The following CLOCK variants were observed in gnomAD, a reference collection of about 807,000 sequenced individuals.
CLOCK encodes clock circadian regulator, also known as circadian locomoter output cycles protein kaput.
CLOCK carries 43 observed loss-of-function variants against 118.4 expected under a neutral mutation model. The observed-to-expected ratio is 0.36, with a 90% CI of 0.28 to 0.47. The LOEUF is 0.47. Ranked by LOEUF, CLOCK falls within the 20% of genes least tolerant of loss-of-function variation. The pLI, the probability that CLOCK is intolerant of heterozygous loss-of-function variation, is 1.00. For missense variants in CLOCK, 846 were observed against 999.9 expected (o/e 0.85, Z 2.08); for synonymous variants, 326 against 339.2 (o/e 0.96, Z 0.43).
intron 1 of CLOCK, among the ~76,000 whole-genome samples, chr4:55,522,912 GA>G: frequency 6.6e-6 from 1 of 152,178 alleles, no homozygotes; most frequent in Non-Finnish European, 1.5e-5. Context: ...AAGCAAATCT[GA>G]AGGGGCTCCT....
intron 20 of CLOCK, 118 bp from the exon 21 acceptor site, chr4:55,442,752 A>G: frequency 1.1e-6 from 1 of 894,054 alleles, no homozygotes; most frequent in Non-Finnish European, 1.8e-6. Context: ...GTGGCAGGAT[A>G]TATTACTCTG....
At position 55,481,881 on chromosome 4, in the gene CLOCK, T is replaced by C. The variant is rs960389287; in HGVS notation, c.47+858A>G. Among the ~76,000 whole-genome samples the C allele has an allele frequency of 2.2e-4, 34 of 152,336 alleles. 1 individual carries two copies. Among genetic ancestry groups the C allele is most frequent in the African/African-American group, 6.0e-4 (25 of 41,580 alleles). ...TCATTTGTAAAATCTTGCAGAATTATTGAGGTTAAATAACATGTAAAAAAG... is the reference window on the plus strand; with the variant it reads ...TCATTTGTAAAATCTTGCAGAATTACTGAGGTTAAATAACATGTAAAAAAG... On this transcript the variant is annotated intron_variant, in intron 4 of 22. Coordinates refer to ENST00000513440, the MANE Select transcript of CLOCK (RefSeq NM_004898.4).
chr4:55,480,031 TA>T (rs1415818616), intron 4 of CLOCK, among the ~76,000 whole-genome samples: 1 of 152,246 alleles, frequency 6.6e-6, no homozygotes, highest in Admixed American at 6.5e-5. Context: ...TTTGCCATTA[TA>T]TAAAATTATT....
At chr4:55,534,956 T>C (rs1730792088) in intron 1 of CLOCK, among the ~76,000 whole-genome samples, 1 of 148,608 alleles carries the variant, frequency 6.7e-6, no homozygotes, top group African/African-American at 2.5e-5. Flanking sequence ...TTTGAGACAG[T>C]CTTGCTCTGT....
chr4:55,543,692 C>T (rs984768926), intron 1 of CLOCK, among the ~76,000 whole-genome samples: 8 of 151,864 alleles, frequency 5.3e-5, no homozygotes, highest in Non-Finnish European at 1.2e-4. Context: ...GCAGGAGAAT[C>T]TCTTGAACCT....
chr4:55,493,753 A>G (rs1577792434), intron 2 of CLOCK, among the ~76,000 whole-genome samples: 1 of 152,314 alleles, frequency 6.6e-6, no homozygotes, highest in East Asian at 1.9e-4. Flanking sequence ...TTTTACAGCT[A>G]TCTCTACAAT....
intron 11 of CLOCK, among the ~76,000 whole-genome samples, chr4:55,456,597 G>A (rs1349195181): frequency 1.3e-5 from 2 of 151,238 alleles, no homozygotes; most frequent in Non-Finnish European, 2.9e-5. Context: ...AGGAGGTGGA[G>A]GTTAAATAAA....
At chr4:55,437,116 C>T (rs1001994845) in intron 22 of CLOCK, among the ~76,000 whole-genome samples, 1 of 152,224 alleles carries the variant, frequency 6.6e-6, no homozygotes, top group South Asian at 2.1e-4. Flanking sequence ...GCAGCATAGG[C>T]TTAAGGTCTA....
rs755164941 is a variant in CLOCK at position 55,478,823 on chromosome 4, T to C, written c.248A>G (p.Lys83Arg). The C allele has an allele frequency of 4.3e-6, 7 of 1,612,564 alleles. No homozygotes were observed. The highest frequency in any genetic ancestry group is 4.5e-5 in the East Asian group (2 of 44,750). The change falls in exon 6 of 23, where the codon AAA (lysine) becomes AGA (arginine). Residue 83 changes from lysine to arginine, a missense_variant. Transcript: ENST00000513440. ...VLQKSIDFLR[K>R]HKEITAQSDA... ...CAGAGTTAAAAATTTACCTTTATGT[T>C]TTCGTAAAAAATCAATGCTTTTCTG...
intron 22 of CLOCK, among the ~76,000 whole-genome samples, chr4:55,436,404 TC>T (rs1229638766): frequency 1.3e-5 from 2 of 152,186 alleles, no homozygotes; most frequent in Non-Finnish European, 2.9e-5. Context: ...GAGCCTCTGT[TC>T]CTTTCACCAA....
intron 2 of CLOCK, among the ~76,000 whole-genome samples, chr4:55,491,500 T>G (rs920885273): frequency 3.3e-5 from 5 of 150,324 alleles, no homozygotes; most frequent in African/African-American, 4.9e-5. Context: ...AAATTACAAC[T>G]GATGTCACAG....
rs1444575092 is a variant in CLOCK, at chr4:55,427,952, G to T, written c.*7463C>A. The T allele has an allele frequency of 6.6e-6, 1 of 152,178 alleles. No homozygotes were observed. The highest frequency in any genetic ancestry group is 2.4e-5 in the African/African-American group (1 of 41,440). The allele number at this position is 152,178 out of a possible 1,614,324, so 9.4% of individuals were successfully genotyped here. On this transcript the variant is annotated 3_prime_UTR_variant, in exon 23 of 23. Coordinates refer to ENST00000513440, the MANE Select transcript of CLOCK (RefSeq NM_004898.4). ...ATAGTCTTTCTTTAAAATCCAAAAT[G>T]TGATTCTTACAAGTTATGTGCCACA...
chr4:55,521,649 T>C (rs1729852611), intron 1 of CLOCK, among the ~76,000 whole-genome samples: 1 of 152,236 alleles, frequency 6.6e-6, no homozygotes. Flanking sequence ...CCTTCACAAA[T>C]ATGCAAAGGA....
Position 55,453,700 on chromosome 4 carries a change from A to G in CLOCK, c.1107T>C (p.Ile369=), listed in dbSNP as rs764910821. The stretch of plus-strand genomic sequence containing the variant: ...ACCTTACTACAGTGTGAGTACAAAC[A>G]ATAAACTCTGGCCTTGAATTCCACT... ...YHQWNSRPEF[I]VCTHTVVSYA... The change falls in exon 14 of 23, where the codon ATT becomes ATC. Residue 369 remains isoleucine, a synonymous_variant. Transcript: ENST00000513440. The G allele has an allele frequency of 1.2e-6, 2 of 1,610,998 alleles. No individual in the cohort carries two copies. Among genetic ancestry groups the G allele is most frequent in the East Asian group, 2.2e-5 (1 of 44,704 alleles).
At chr4:55,450,822 T>TA (rs1397114378) in intron 15 of CLOCK, among the ~76,000 whole-genome samples, 1 of 151,388 alleles carries the variant, frequency 6.6e-6, no homozygotes, top group East Asian at 1.9e-4. Flanking sequence ...TTTTAACAGC[T>TA]AAAACTACAT....
chr4:55,459,397 T>C, intron 9 of CLOCK, 136 bp from the exon 10 acceptor site: 1 of 661,716 alleles, frequency 1.5e-6, no homozygotes, highest in Non-Finnish European at 2.7e-6. Flanking sequence ...CAATGACATT[T>C]AGTTCATAAA....
At chr4:55,500,859 C>T (rs990812051) in intron 2 of CLOCK, among the ~76,000 whole-genome samples, 2 of 151,962 alleles carry the variant, frequency 1.3e-5, no homozygotes, top group African/African-American at 4.8e-5. Context: ...TCTGTTTTTG[C>T]GCTTGTTTTT....
intron 1 of CLOCK, among the ~76,000 whole-genome samples, chr4:55,542,069 G>A (rs1731303527): frequency 6.6e-6 from 1 of 151,698 alleles, no homozygotes; most frequent in African/African-American, 2.4e-5. Flanking sequence ...AGTTGGGCAT[G>A]GTGGCTCATG....
Position 55,443,489 on chromosome 4 carries a change from G to GA in CLOCK, c.1902+197dup, listed in dbSNP as rs76130597. ...AAACTCCGTCTCAAAAAAAAAAAAAGAAAAAAAAAAGCTGAAAATATTTGA... is the reference window on the plus strand; with the variant it reads ...AAACTCCGTCTCAAAAAAAAAAAAAGAAAAAAAAAAAGCTGAAAATATTTGA... On this transcript the variant is annotated intron_variant, in intron 20 of 22. Coordinates refer to ENST00000513440, the MANE Select transcript of CLOCK (RefSeq NM_004898.4). 4.0e-3 allele frequency among the ~76,000 whole-genome samples: 516 copies of GA among 128,608 alleles called. 3 individuals carry two copies. Among genetic ancestry groups the GA allele is most frequent in the African/African-American group, 0.014 (493 of 35,654 alleles). 84.4% of individuals were successfully genotyped at this position (128,608 alleles called of 152,430 possible).
Sources: gnomAD v4.1 joint callset for allele counts (sites outside exome capture counted in the v4.1 genomes callset) on GRCh38, gnomAD v4.1.1 for gene constraint, MANE v1.5 for transcripts, NCBI Gene and HGNC (gene_info 2026-07-23, HGNC 2026-07-21) for gene names.